TEX9: variants seen among roughly 807,000 people sequenced by gnomAD.
TEX9 encodes the protein testis-expressed protein 9.
In TEX9, 74 loss-of-function variants were observed where a neutral mutation model predicts 59.6. The observed-to-expected ratio is 1.24, with a 90% confidence interval of 1.03 to 1.51. The LOEUF (loss-of-function observed/expected upper bound fraction) is 1.51. Among genes scored for constraint, TEX9 ranks in the 40% most tolerant of loss-of-function variants. The pLI is 0.00. For synonymous variants in TEX9, 186 were observed against 152.2 expected (o/e 1.22, Z -1.64); for missense variants, 522 against 447.8 (o/e 1.17, Z -1.49).
chr15:56,396,221 C>T (rs1258551000), intron 9 of TEX9: 1 of 152,072 alleles, frequency 6.6e-6, no homozygotes, highest in Non-Finnish European at 1.5e-5. Context: ...TTTGTATGGT[C>T]ATATTTAAAA....
chr15:56,414,775 G>A (rs939130378), intron 10 of TEX9, among the ~76,000 whole-genome samples: 1 of 151,714 alleles, frequency 6.6e-6, no homozygotes, highest in African/African-American at 2.4e-5. Context: ...AGATTGCTGG[G>A]TCCAATGGTA....
At chr15:56,424,006 G>A (rs182897914) in intron 10 of TEX9, among the ~76,000 whole-genome samples, 1 of 152,024 alleles carries the variant, frequency 6.6e-6, no homozygotes, top group Admixed American at 6.6e-5. Context: ...AAATCTAATT[G>A]GTCTATAATG....
At chr15:56,281,702 T>A (rs2141457583) in intron 1 of TEX9, among the ~76,000 whole-genome samples, 1 of 152,346 alleles carries the variant, frequency 6.6e-6, no homozygotes, top group African/African-American at 2.4e-5. Flanking sequence ...GAAGTAATTT[T>A]GTAATATTTT....
intron 12 of TEX9, among the ~76,000 whole-genome samples, chr15:56,444,077 T>G (rs543107360): frequency 2.0e-5 from 3 of 152,070 alleles, no homozygotes; most frequent in Non-Finnish European, 4.4e-5. Flanking sequence ...TGAAGTTTTA[T>G]GCATCTTATT....
At chr15:56,334,279 C>T (rs530363401) in intron 1 of TEX9, among the ~76,000 whole-genome samples, 3 of 152,192 alleles carry the variant, frequency 2.0e-5, no homozygotes, top group African/African-American at 7.2e-5. Flanking sequence ...CTATTGTAAC[C>T]AAAACGGCAT....
chr15:56,439,436 CTAGAAT>C (rs1319955138), intron 12 of TEX9, among the ~76,000 whole-genome samples: 1 of 75,808 alleles, frequency 1.3e-5, no homozygotes, highest in East Asian at 2.3e-4. Flanking sequence ...GGCAAAGGAA[CTAGAAT>C]AGCTAAAAAA....
At chr15:56,298,389 A>G (rs899846822) in intron 1 of TEX9, among the ~76,000 whole-genome samples, 1 of 152,242 alleles carries the variant, frequency 6.6e-6, no homozygotes, top group Non-Finnish European at 1.5e-5. Context: ...AGAAATCTAA[A>G]TTGTATACTA....
chr15:56,444,800 G>T, intron 12 of TEX9: 1 of 839,110 alleles, frequency 1.2e-6, no homozygotes, highest in Non-Finnish European at 1.8e-6. Context: ...ATCTGTCTAG[G>T]TTAAAAAGCA....
intron 9 of TEX9, among the ~76,000 whole-genome samples, chr15:56,404,135 G>C (rs2048946896): frequency 6.6e-6 from 1 of 152,054 alleles, no homozygotes; most frequent in Non-Finnish European, 1.5e-5. Flanking sequence ...TAGACAAATG[G>C]GATCTAATTA....
intron 1 of TEX9, among the ~76,000 whole-genome samples, chr15:56,279,455 A>T (rs1293501559): frequency 1.3e-5 from 2 of 152,236 alleles, no homozygotes; most frequent in South Asian, 2.1e-4. Flanking sequence ...TCAAACAAGA[A>T]TTTGAGGAAC....
chr15:56,432,791 C>T (rs915385761), intron 12 of TEX9, among the ~76,000 whole-genome samples: 7 of 152,142 alleles, frequency 4.6e-5, no homozygotes, highest in African/African-American at 1.4e-4. Flanking sequence ...TATAACAGCA[C>T]TTGTATTCCC....
intron 1 of TEX9, among the ~76,000 whole-genome samples, chr15:56,332,041 C>A (rs1426889815): frequency 7.7e-6 from 1 of 129,234 alleles, no homozygotes; most frequent in Non-Finnish European, 1.6e-5. Context: ...ACTAGTTCAA[C>A]CATTGTGGAA....
intron 1 of TEX9, among the ~76,000 whole-genome samples, chr15:56,352,440 A>G (rs1371876315): frequency 6.6e-5 from 10 of 150,626 alleles, no homozygotes; most frequent in Non-Finnish European, 1.5e-4. Context: ...TTTAGTAGAG[A>G]TGGTGTTTCA....
chr15:56,318,173 T>C (rs760134784), intron 1 of TEX9, among the ~76,000 whole-genome samples: 15 of 152,156 alleles, frequency 9.9e-5, no homozygotes, highest in Non-Finnish European at 1.8e-4. Flanking sequence ...GGTGCATATA[T>C]ATTTGTAATT....
chr15:56,455,097 A>G, the TEX9 span, among the ~76,000 whole-genome samples: 4 of 152,074 alleles, frequency 2.6e-5, no homozygotes, highest in African/African-American at 9.7e-5. Context: ...CCTTCCTTTC[A>G]CAGATCTTAA....
intron 9 of TEX9, among the ~76,000 whole-genome samples, chr15:56,410,338 CCT>C (rs1313775170): frequency 6.6e-6 from 1 of 152,038 alleles, no homozygotes; most frequent in Non-Finnish European, 1.5e-5. Flanking sequence ...GATGCATGCC[CCT>C]CTCTTTTCTT....
intron 1 of TEX9, among the ~76,000 whole-genome samples, chr15:56,327,960 G>A (rs1820661459): frequency 6.6e-6 from 1 of 152,050 alleles, no homozygotes; most frequent in South Asian, 2.1e-4. Flanking sequence ...CTGGGCTTGA[G>A]GCCAATGGAC....
chr15:56,347,042 ATGG>A (rs1293801797), intron 1 of TEX9, among the ~76,000 whole-genome samples: 21 of 152,338 alleles, frequency 1.4e-4, no homozygotes, highest in Non-Finnish European at 2.9e-4. Context: ...TAGGACTTGT[ATGG>A]TGAAATCTGC....
intron 3 of TEX9, among the ~76,000 whole-genome samples, chr15:56,381,517 G>C (rs530445187): frequency 6.6e-6 from 1 of 152,218 alleles, no homozygotes; most frequent in African/African-American, 2.4e-5. Context: ...TCACAGTCTG[G>C]GTTTATTTGT....
Sources: gnomAD v4.1 joint callset for allele counts (sites outside exome capture counted in the v4.1 genomes callset) on GRCh38, gnomAD v4.1.1 for gene constraint, MANE v1.5 for transcripts, NCBI Gene and HGNC (gene_info 2026-07-23, HGNC 2026-07-21) for gene names.